Variants in SLC24A3 observed in about 807,000 individuals in gnomAD.
SLC24A3 encodes the protein solute carrier family 24 member 3, also known as sodium/potassium/calcium exchanger 3.
SLC24A3 carries 28 observed loss-of-function variants against 75.8 expected under a neutral mutation model. That is an observed-to-expected ratio of 0.37 (90% CI 0.27 to 0.51). The LOEUF (loss-of-function observed/expected upper bound fraction) is 0.51. SLC24A3 is among the 20% of genes least tolerant of loss of function. SLC24A3 has a pLI of 0.94. For missense variants in SLC24A3, 663 were observed against 847.8 expected, an observed-to-expected ratio of 0.78 and a Z score of 2.71; for synonymous variants, 372 against 334.1, an observed-to-expected ratio of 1.11 and a Z score of -1.24.
chr20:19,565,302 G>A (rs765917), intron 3 of SLC24A3, among the ~76,000 whole-genome samples: 6 of 152,150 alleles, frequency 3.9e-5, no homozygotes, highest in South Asian at 4.1e-4. Flanking sequence ...GCTTTGCTAC[G>A]AATGTTTCAC....
chr20:19,518,032 T>C (rs2030030220), intron 3 of SLC24A3, among the ~76,000 whole-genome samples: 1 of 152,168 alleles, frequency 6.6e-6, no homozygotes, highest in South Asian at 2.1e-4. Flanking sequence ...ATGCCTGGAG[T>C]TGGACAGTCA....
At chr20:19,396,348 AACTTG>A (rs1173991958) in intron 2 of SLC24A3, among the ~76,000 whole-genome samples, 1 of 152,222 alleles carries the variant, frequency 6.6e-6, no homozygotes, top group Non-Finnish European at 1.5e-5. Flanking sequence ...TGAACAGGTA[AACTTG>A]ACTTGAATAA....
intron 2 of SLC24A3, among the ~76,000 whole-genome samples, chr20:19,313,785 CT>C (rs1984516593): frequency 6.6e-6 from 1 of 152,178 alleles, no homozygotes; most frequent in Non-Finnish European, 1.5e-5. Context: ...GCAAGTTTCT[CT>C]TGTGCTTGAA....
chr20:19,347,490 G>A (rs780228498), intron 2 of SLC24A3, among the ~76,000 whole-genome samples: 1 of 152,144 alleles, frequency 6.6e-6, no homozygotes, highest in African/African-American at 2.4e-5. Context: ...TGGGAACTCT[G>A]TACATTCTGT....
intron 7 of SLC24A3, among the ~76,000 whole-genome samples, chr20:19,656,429 A>G (rs2032266934): frequency 6.6e-6 from 1 of 152,104 alleles, no homozygotes; most frequent in Admixed American, 6.5e-5. Context: ...AGATTTAAGG[A>G]CATACATGAA....
chr20:19,305,964 A>G (rs1328085320), intron 2 of SLC24A3, among the ~76,000 whole-genome samples: 1 of 152,196 alleles, frequency 6.6e-6, no homozygotes, highest in East Asian at 1.9e-4. Context: ...GGGAGAAAAT[A>G]TTTGCAAACT....
At chr20:19,586,990 C>T (rs1568664423) in intron 6 of SLC24A3, among the ~76,000 whole-genome samples, 1 of 152,158 alleles carries the variant, frequency 6.6e-6, no homozygotes, top group Non-Finnish European at 1.5e-5. Flanking sequence ...CTGCCTTTGC[C>T]TTTGGTGCTA....
At chr20:19,379,015 C>T (rs1389128153) in intron 2 of SLC24A3, among the ~76,000 whole-genome samples, 1 of 151,854 alleles carries the variant, frequency 6.6e-6, no homozygotes, top group Non-Finnish European at 1.5e-5. Context: ...TTGGACTGTT[C>T]CTTAATGACT....
chr20:19,584,646 C>T (rs2031268639), intron 4 of SLC24A3, among the ~76,000 whole-genome samples: 1 of 152,194 alleles, frequency 6.6e-6, no homozygotes, highest in Non-Finnish European at 1.5e-5. Context: ...CTGCACAGCC[C>T]CTGCGGGAAT....
intron 6 of SLC24A3, among the ~76,000 whole-genome samples, chr20:19,625,308 A>G (rs1284732924): frequency 8.5e-5 from 13 of 152,214 alleles, no homozygotes; most frequent in Admixed American, 8.5e-4. Context: ...AAATAACATT[A>G]TAAGGCTTGG....
At chr20:19,712,791 T>G (rs1185405175) in intron 15 of SLC24A3, among the ~76,000 whole-genome samples, 1 of 152,226 alleles carries the variant, frequency 6.6e-6, no homozygotes, top group Non-Finnish European at 1.5e-5. Flanking sequence ...CGTGGCATAT[T>G]TACACTGCTG....
chr20:19,368,235 A>G (rs1310628747), intron 2 of SLC24A3, among the ~76,000 whole-genome samples: 1 of 152,152 alleles, frequency 6.6e-6, no homozygotes, highest in Non-Finnish European at 1.5e-5. Context: ...TGGTGTCGCT[A>G]CTGAAGACAG....
rs542026947 is a variant in SLC24A3, at chr20:19,561,605, C to T, written c.349-18395C>T. ...TATGCAAGCTTCCCTAAATCCACTT[C>T]TACTCAGTTGGTCCCAGTTTTTGAA... is the stretch of plus-strand genomic sequence containing the variant. On this transcript the variant is annotated intron_variant, in intron 3 of 16. Coordinates refer to ENST00000328041, the MANE Select transcript of SLC24A3 (RefSeq NM_020689.4). Among the ~76,000 whole-genome samples, 3 of 152,308 alleles carry T rather than the reference C, an allele frequency of 2.0e-5. No homozygotes were observed. The East Asian group carries it at 5.8e-4, about 29-fold the overall frequency.
intron 2 of SLC24A3, among the ~76,000 whole-genome samples, chr20:19,325,793 T>TAG (rs1224595512): frequency 1.3e-3 from 105 of 82,796 alleles, no homozygotes; most frequent in Non-Finnish European, 2.0e-3. Context: ...TATATATATA[T>TAG]ATAGAGAGAG....
chr20:19,401,476 A>G (rs889004415), intron 2 of SLC24A3, among the ~76,000 whole-genome samples: 1 of 152,244 alleles, frequency 6.6e-6, no homozygotes, highest in African/African-American at 2.4e-5. Flanking sequence ...TAATCAACAA[A>G]TGTTTCCAGA....
chr20:19,228,911 A>C (rs560497283), intron 1 of SLC24A3, among the ~76,000 whole-genome samples: 2 of 152,280 alleles, frequency 1.3e-5, no homozygotes, highest in East Asian at 3.9e-4. Flanking sequence ...GATCACACTA[A>C]CTTTACAAAT....
chr20:19,425,108 GC>G (rs1369242848), intron 2 of SLC24A3, among the ~76,000 whole-genome samples: 1 of 152,080 alleles, frequency 6.6e-6, no homozygotes, highest in Non-Finnish European at 1.5e-5. Context: ...TTCAAAACCA[GC>G]CTGACCAACA....
intron 6 of SLC24A3, among the ~76,000 whole-genome samples, chr20:19,639,124 C>T (rs1285372818): frequency 6.6e-6 from 1 of 152,120 alleles, no homozygotes; most frequent in Non-Finnish European, 1.5e-5. Flanking sequence ...CTGATTGGTG[C>T]ATTTACAATC....
intron 3 of SLC24A3, among the ~76,000 whole-genome samples, chr20:19,537,195 C>T (rs1384205189): frequency 6.6e-6 from 1 of 152,136 alleles, no homozygotes; most frequent in African/African-American, 2.4e-5. Flanking sequence ...AAACAAACAA[C>T]CCCATCAAAA....
Sources: gnomAD v4.1 joint callset for allele counts (sites outside exome capture counted in the v4.1 genomes callset) on GRCh38, gnomAD v4.1.1 for gene constraint, MANE v1.5 for transcripts, NCBI Gene and HGNC (gene_info 2026-07-23, HGNC 2026-07-21) for gene names.